DHPS: variants seen among roughly 807,000 people sequenced by gnomAD.
DHPS encodes deoxyhypusine synthase.
In DHPS, 24 loss-of-function variants were observed where a neutral mutation model predicts 38.7. The ratio of observed to expected loss-of-function variants is 0.62; its 90% CI spans 0.45 to 0.87. DHPS has a LOEUF of 0.87. Among genes scored for constraint, DHPS ranks in the 40% least tolerant of loss-of-function variants. The pLI is 0.00. For missense variants in DHPS, 510 were observed against 497.6 expected (o/e 1.02, Z -0.24); for synonymous variants, 250 against 204.4 (o/e 1.22, Z -1.90).
downstream of DHPS, chr19:12,673,064 C>T: frequency 6.2e-7 from 1 of 1,613,734 alleles, no homozygotes; most frequent in Non-Finnish European, 8.5e-7. Context: ...GGTGTCCAGC[C>T]TGGACTCCAC....
downstream of DHPS, chr19:12,672,815 A>C: frequency 6.4e-7 from 1 of 1,557,650 alleles, no homozygotes. Flanking sequence ...GAGTGTAGTC[A>C]AGGTTCCCGC....
rs182442910 is a variant in DHPS at position 12,681,378 on chromosome 19, T to C, written c.207+182A>G. ...CCGTACCAGCATGTAACTACCAGAG[T>C]GCAAAATCCCCTTCCCAGGACAGAA... On this transcript the variant is annotated intron_variant, in intron 1 of 8. Transcript: ENST00000210060. 8 of 984,060 alleles carry C rather than the reference T, an allele frequency of 8.1e-6. No homozygotes were observed. The Admixed American group carries it at 1.4e-4, about 17-fold the overall frequency. 61.0% of individuals were successfully genotyped at this position (984,060 alleles called of 1,614,324 possible).
intron 1 of DHPS, 136 bp downstream of exon 1, chr19:12,681,424 C>T: frequency 4.3e-6 from 5 of 1,160,078 alleles, no homozygotes; most frequent in Admixed American, 2.4e-5. Context: ...AGAATAGGTC[C>T]CGCCTTCCTC....
chr19:12,679,740 G>A (rs2024735383), intron 3 of DHPS, 21 bp from the exon 4 acceptor site: 3 of 1,614,186 alleles, frequency 1.9e-6, no homozygotes, highest in Non-Finnish European at 2.5e-6. Flanking sequence ...GAGGCATGTA[G>A]GCATCAGGCC....
downstream of DHPS, among the ~76,000 whole-genome samples, chr19:12,674,348 C>CT (rs1369812576): frequency 1.3e-5 from 2 of 152,182 alleles, no homozygotes; most frequent in Non-Finnish European, 2.9e-5. Flanking sequence ...ACAGACCATC[C>CT]TGGTGTAGTG....
chr19:12,677,403 A>G lies in DHPS; in HGVS notation c.679-7T>C. On this transcript the variant is annotated splice_region_variant and splice_polypyrimidine_tract_variant and intron_variant, in intron 5 of 8. Coordinates refer to ENST00000210060, the MANE Select transcript of DHPS (RefSeq NM_001930.4). ...TAAACACAGGGATGTGGTTCTGCAG[A>G]GAACATGACAGGACAGTGGCTGGAG... 6.2e-7 allele frequency: 1 copy of G among 1,611,998 alleles called. No individual in the cohort carries two copies. Among genetic ancestry groups the G allele is most frequent in the Non-Finnish European group, 8.5e-7 (1 of 1,178,662 alleles).
At chr19:12,675,385 A>G (rs917088894), downstream of DHPS, 2 of 1,244,704 alleles carry the variant, frequency 1.6e-6, no homozygotes, top group Admixed American at 2.5e-5. Flanking sequence ...CTAGGAGGCA[A>G]TTAGAGGCAG....
intron 5 of DHPS, 31 bp downstream of exon 5, chr19:12,679,426 C>A: frequency 1.9e-6 from 3 of 1,597,284 alleles, no homozygotes; most frequent in South Asian, 2.2e-5. Context: ...ATGCCAAAGT[C>A]TGGCTACTTT....
chr19:12,681,483 G>A lies in DHPS; in HGVS notation c.207+77C>T, dbSNP rs1292426997. ...AAGACATATCCCCTCCACTGGAAAC[G>A]CTGCCCCCGTCTAGTACCGCGTTGG... On this transcript the variant is annotated intron_variant, in intron 1 of 8. Coordinates refer to ENST00000210060, the MANE Select transcript of DHPS (RefSeq NM_001930.4). 7.2e-6 allele frequency: 11 copies of A among 1,524,576 alleles called. No individual in the cohort carries two copies. The South Asian group carries it at 1.0e-4, about 14-fold the overall frequency. 94.4% of individuals were successfully genotyped at this position (1,524,576 alleles called of 1,614,324 possible). A position where few individuals can be genotyped will look rare whatever the true frequency, so the allele number is the denominator to read the frequency against.
At chr19:12,674,260 T>G (rs1180844841), downstream of DHPS, among the ~76,000 whole-genome samples, 1 of 152,182 alleles carries the variant, frequency 6.6e-6, no homozygotes, top group Non-Finnish European at 1.5e-5. Context: ...GAGCTACATC[T>G]TAGCATCCCT....
downstream of DHPS, chr19:12,672,711 G>A: frequency 1.1e-6 from 1 of 884,000 alleles, no homozygotes; most frequent in Non-Finnish European, 1.8e-6. Context: ...CCCTGGGCCT[G>A]AGTCTCAAGG....
chr19:12,673,063 C>T (rs1422198539), downstream of DHPS: 2 of 1,613,760 alleles, frequency 1.2e-6, no homozygotes, highest in South Asian at 2.2e-5. Context: ...TGGTGTCCAG[C>T]CTGGACTCCA....
At chr19:12,681,499 A>G in intron 1 of DHPS, 61 bp downstream of exon 1, 2 of 1,582,152 alleles carry the variant, frequency 1.3e-6, no homozygotes, top group Admixed American at 1.7e-5. Flanking sequence ...CCCGTCTAGT[A>G]CCGCGTTGGT....
Position 12,681,820 on chromosome 19 carries a change from G to T in DHPS, c.-54C>A. Reference sequence around the variant, plus strand: ...CTGCCCCTAGGCCGGGCTTACGGCGGCCCAGAAACGCGTTAAACCCCGACG... The same window carrying T: ...CTGCCCCTAGGCCGGGCTTACGGCGTCCCAGAAACGCGTTAAACCCCGACG... On this transcript the variant is annotated 5_prime_UTR_variant, in exon 1 of 9. Coordinates refer to ENST00000210060, the MANE Select transcript of DHPS (RefSeq NM_001930.4). The T allele has an allele frequency of 1.3e-6, 2 of 1,516,794 alleles. No individual in the cohort carries two copies. Among genetic ancestry groups the T allele is most frequent in the Admixed American group, 1.8e-5 (1 of 56,324 alleles). The allele number at this position is 1,516,794 out of a possible 1,614,324, so 94.0% of individuals were successfully genotyped here.
intron 7 of DHPS, chr19:12,676,886 G>C (rs1379907796): frequency 5.3e-6 from 3 of 561,614 alleles, no homozygotes; most frequent in Non-Finnish European, 9.6e-6. Flanking sequence ...ACCTCTTGTT[G>C]GACAGCACCC....
At chr19:12,676,201 AGG>A (rs2024581908) in intron 7 of DHPS, 59 bp from the exon 8 acceptor site, 1 of 1,546,930 alleles carries the variant, frequency 6.5e-7, no homozygotes, top group African/African-American at 1.4e-5. Context: ...ACAGACACAG[AGG>A]GAGGACACCG....
chr19:12,675,029 G>A (rs1034268733), downstream of DHPS, among the ~76,000 whole-genome samples: 4 of 151,942 alleles, frequency 2.6e-5, no homozygotes, highest in Admixed American at 6.6e-5. Context: ...CAGGAGAATC[G>A]CTTGAACTAG....
downstream of DHPS, among the ~76,000 whole-genome samples, chr19:12,674,139 G>T (rs1247090688): frequency 6.6e-6 from 1 of 152,238 alleles, no homozygotes; most frequent in Non-Finnish European, 1.5e-5. Context: ...CCGGGGTCAG[G>T]CTGGGCTGCA....
At position 12,677,002 on chromosome 19, in the gene DHPS, G is replaced by A. The variant is rs921812848; in HGVS notation, c.888+106C>T. The A allele has an allele frequency of 1.2e-5, 12 of 1,032,322 alleles. No homozygotes were observed. The African/African-American group carries it at 1.9e-4, about 16-fold the overall frequency. 63.9% of individuals were successfully genotyped at this position (1,032,322 alleles called of 1,614,324 possible). Reference sequence around the variant, plus strand: ...CCCCTACTAGAACATCAGTCCCGGGGAGCAGGGATCCTGGCCTGTCTAGTT... The same window carrying A: ...CCCCTACTAGAACATCAGTCCCGGGAAGCAGGGATCCTGGCCTGTCTAGTT... On this transcript the variant is annotated intron_variant, in intron 7 of 8. Coordinates refer to ENST00000210060, the MANE Select transcript of DHPS (RefSeq NM_001930.4).
Sources: gnomAD v4.1 joint callset for allele counts (sites outside exome capture counted in the v4.1 genomes callset) on GRCh38, gnomAD v4.1.1 for gene constraint, MANE v1.5 for transcripts, NCBI Gene and HGNC (gene_info 2026-07-23, HGNC 2026-07-21) for gene names.